The following HSD17B7 variants were observed in gnomAD, a reference collection of about 807,000 sequenced individuals.
HSD17B7 encodes 3-keto-steroid reductase/17-beta-hydroxysteroid dehydrogenase 7.
In HSD17B7, 17 loss-of-function variants were observed where a neutral mutation model predicts 34.1. The ratio of observed to expected loss-of-function variants is 0.50; its 90% CI spans 0.34 to 0.75. The LOEUF is 0.75. HSD17B7 is among the 30% of genes least tolerant of loss of function. HSD17B7 has a pLI of 0.01. For synonymous variants in HSD17B7, 122 were observed against 154.6 expected (o/e 0.79, Z 1.56); for missense variants, 296 against 406.6 (o/e 0.73, Z 2.34).
chr1:162,794,934 C>A (rs559212950), intron 2 of HSD17B7, among the ~76,000 whole-genome samples: 48 of 152,292 alleles, frequency 3.2e-4, no homozygotes, highest in African/African-American at 1.1e-3. Flanking sequence ...GGCAGTGAGG[C>A]TGTGGGGCAG....
At position 162,797,887 on chromosome 1, in the gene HSD17B7, G is replaced by T; in HGVS notation, c.418G>T (p.Glu140Ter). The change falls in exon 4 of 9, where the codon GAG becomes TAG. Residue 140 changes from glutamate (E) to a stop codon, truncating the protein, a stop_gained. Transcript: ENST00000254521. LOFTEE classifies it high-confidence loss of function. ...ITADGLQEVF[E>*]TNVFGHFILI... ...TGCTGATGGACTTCAGGAGGTGTTT[G>T]AGACCAATGTCTTTGGCCATTTTAT... 1 of 1,613,926 alleles carries T rather than the reference G, an allele frequency of 6.2e-7. No homozygotes were observed. The highest frequency in any genetic ancestry group is 8.5e-7 in the Non-Finnish European group (1 of 1,179,828).
intron 2 of HSD17B7, 169 bp downstream of exon 2, chr1:162,793,031 C>CTTTTT (rs201857530): frequency 0.014 from 4,946 of 349,742 alleles, 4 homozygotes; most frequent in South Asian, 0.029. Context: ...CGTTTTCTTT[C>CTTTTT]TTTTTTTTTT....
rs1165487792 is a variant in HSD17B7, at chr1:162,792,648, T to G, written c.36-11T>G. On this transcript the variant is annotated splice_polypyrimidine_tract_variant and intron_variant, in intron 1 of 8. Coordinates refer to ENST00000254521, the MANE Select transcript of HSD17B7 (RefSeq NM_016371.4). Reference sequence around the variant, plus strand: ...GATAACCCACATCTTGTGTCTGAATTGTCCTCCCAGTGGCATTGGCCTGGC... The same window carrying G: ...GATAACCCACATCTTGTGTCTGAATGGTCCTCCCAGTGGCATTGGCCTGGC... The G allele has an allele frequency of 1.2e-6, 2 of 1,608,636 alleles. No individual in the cohort carries two copies. The highest frequency in any genetic ancestry group is 1.7e-6 in the Non-Finnish European group (2 of 1,177,308).
At chr1:162,810,614 C>T (rs1649142778) in intron 8 of HSD17B7, among the ~76,000 whole-genome samples, 1 of 151,762 alleles carries the variant, frequency 6.6e-6, no homozygotes, top group Non-Finnish European at 1.5e-5. Context: ...TAAGGACTTG[C>T]TTTATGAATC....
At chr1:162,793,914 T>G (rs955333024) in intron 2 of HSD17B7, among the ~76,000 whole-genome samples, 58 of 149,304 alleles carry the variant, frequency 3.9e-4, no homozygotes, top group African/African-American at 1.4e-3. Flanking sequence ...CAGTAAAGAT[T>G]TGTTCACACC....
intron 3 of HSD17B7, 27 bp from the exon 4 acceptor site, chr1:162,797,775 T>C: frequency 1.3e-6 from 2 of 1,599,306 alleles, no homozygotes; most frequent in Non-Finnish European, 1.7e-6. Flanking sequence ...CTTTAAAAAG[T>C]CATGCAATTA....
intron 8 of HSD17B7, among the ~76,000 whole-genome samples, chr1:162,807,761 A>G (rs1435537551): frequency 1.3e-5 from 2 of 152,152 alleles, no homozygotes; most frequent in Non-Finnish European, 2.9e-5. Context: ...TTTTGCTTGC[A>G]TAAATGTCTT....
intron 8 of HSD17B7, among the ~76,000 whole-genome samples, chr1:162,807,449 C>G (rs149884042): frequency 2.0e-5 from 3 of 152,056 alleles, no homozygotes; most frequent in African/African-American, 7.2e-5. Context: ...TGCATCTGTC[C>G]TTATAGCAGC....
At chr1:162,802,713 A>T (rs1648852278) in intron 5 of HSD17B7, among the ~76,000 whole-genome samples, 1 of 152,218 alleles carries the variant, frequency 6.6e-6, no homozygotes, top group Admixed American at 6.5e-5. Flanking sequence ...AAACTAAATA[A>T]AATAGTAAAA....
intron 4 of HSD17B7, chr1:162,798,211 C>T: frequency 2.6e-6 from 1 of 384,334 alleles, no homozygotes; most frequent in East Asian, 5.2e-5. Context: ...TAACATTTCG[C>T]ATTGGTATGA....
chr1:162,802,771 A>G (rs1648854057), intron 5 of HSD17B7: 2 of 152,282 alleles, frequency 1.3e-5, no homozygotes, highest in Admixed American at 1.3e-4. Context: ...ACTTAACTGT[A>G]GATCACATAG....
intron 6 of HSD17B7, among the ~76,000 whole-genome samples, chr1:162,803,905 A>C (rs1201007562): frequency 2.6e-5 from 4 of 152,234 alleles, no homozygotes; most frequent in Admixed American, 6.5e-5. Flanking sequence ...GTACTATGTA[A>C]CTATACAACC....
Position 162,792,700 on chromosome 1 carries a change from A to G in HSD17B7, c.77A>G (p.Asp26Gly). The G allele has an allele frequency of 6.2e-7, 1 of 1,614,062 alleles. No homozygotes were observed. Among genetic ancestry groups the G allele is most frequent in the Non-Finnish European group, 8.5e-7 (1 of 1,179,980 alleles). ...LALCKRLLAEDDELHLCLACR... is the reference protein window; with the variant it reads ...LALCKRLLAEGDELHLCLACR... ...CTCTGCAAGCGGCTGCTGGCGGAAG[A>G]TGATGAGCTTCATCTGTGTTTGGCG... Residue 26 changes from aspartate (D) to glycine (G), a missense_variant, in exon 2 of 9, where the codon GAT becomes GGT. By Grantham distance (94) the Asp-to-Gly change is moderately conservative (BLOSUM62 -1). Coordinates refer to ENST00000254521, the MANE Select transcript of HSD17B7 (RefSeq NM_016371.4).
rs1648744118 is a variant in HSD17B7, at chr1:162,799,784, A to G, written c.489A>G (p.Pro163=). ...CTCTCCTCTGTCACAGTGACAATCC[A>G]TCTCAGCTCATCTGGACATCATCTC... ...LEPLLCHSDN[P]SQLIWTSSRS... is the part of the protein sequence containing the mutation. The change falls in exon 5 of 9, where the codon CCA becomes CCG. Residue 163 remains proline, a synonymous_variant. Transcript: ENST00000254521. The G allele has an allele frequency of 6.2e-6, 10 of 1,613,776 alleles. No individual in the cohort carries two copies. The highest frequency in any genetic ancestry group is 1.7e-5 in the Admixed American group (1 of 59,996).
At position 162,799,796 on chromosome 1, in the gene HSD17B7, C is replaced by T; in HGVS notation, c.501C>T (p.Ile167=). Residue 167 remains isoleucine, a synonymous_variant, in exon 5 of 9, where the codon ATC becomes ATT. Coordinates refer to ENST00000254521, the MANE Select transcript of HSD17B7 (RefSeq NM_016371.4). ...ACAGTGACAATCCATCTCAGCTCAT[C>T]TGGACATCATCTCGCAGTGCAAGGA... The part of the protein sequence containing the change: ...LCHSDNPSQL[I]WTSSRSARKS... 6.2e-7 allele frequency: 1 copy of T among 1,613,930 alleles called. No individual in the cohort carries two copies. Among genetic ancestry groups the T allele is most frequent in the African/African-American group, 1.3e-5 (1 of 74,996 alleles).
intron 8 of HSD17B7, among the ~76,000 whole-genome samples, chr1:162,807,243 G>C: frequency 6.6e-6 from 1 of 152,146 alleles, no homozygotes; most frequent in Non-Finnish European, 1.5e-5. Flanking sequence ...TTGTCCTTGT[G>C]ATAGTTTGCT....
chr1:162,805,631 T>C, intron 8 of HSD17B7, 139 bp downstream of exon 8: 1 of 1,354,698 alleles, frequency 7.4e-7, no homozygotes, highest in Non-Finnish European at 9.8e-7. Context: ...GGCCTGATTT[T>C]ATTTCATCCT....
At chr1:162,792,490 C>T in intron 1 of HSD17B7, 169 bp from the exon 2 acceptor site, 1 of 780,458 alleles carries the variant, frequency 1.3e-6, no homozygotes, top group Non-Finnish European at 2.0e-6. Context: ...AAGCAAGTGA[C>T]TATTGGAGTG....
intron 2 of HSD17B7, among the ~76,000 whole-genome samples, chr1:162,794,154 G>A (rs1407235615): frequency 6.6e-6 from 1 of 152,134 alleles, no homozygotes; most frequent in Non-Finnish European, 1.5e-5. Flanking sequence ...CTGCCCTAGG[G>A]CTATCTGGAA....
Sources: allele counts gnomAD v4.1 joint callset (sites outside exome capture counted in the v4.1 genomes callset), GRCh38; gene constraint gnomAD v4.1.1; transcripts MANE v1.5; gene names NCBI Gene and HGNC (gene_info 2026-07-23, HGNC 2026-07-21).